The following CRADD variants were observed in gnomAD, a reference collection of about 807,000 sequenced individuals.
CRADD encodes death domain-containing protein CRADD.
A neutral mutation model predicts 15.5 loss-of-function variants in CRADD; 9 were observed. The ratio of observed to expected loss-of-function variants is 0.58; its 90% CI spans 0.35 to 1.01. The LOEUF (loss-of-function observed/expected upper bound fraction) is 1.01, where lower values mean the gene tolerates loss of function less well. CRADD is among the 50% of genes least tolerant of loss of function. The pLI is 0.02. For synonymous variants in CRADD, 118 were observed against 107.6 expected, an observed-to-expected ratio of 1.10 and a Z score of -0.60; for missense variants, 227 against 250.3, an observed-to-expected ratio of 0.91 and a Z score of 0.63.
chr12:93,683,799 A>G (rs1296474250), intron 2 of CRADD, among the ~76,000 whole-genome samples: 2 of 152,242 alleles, frequency 1.3e-5, no homozygotes, highest in Non-Finnish European at 2.9e-5. Context: ...TGATGGGTTT[A>G]TTAGAGAGGT....
Position 93,839,053 on chromosome 12 carries a change from G to A in CRADD, c.299-10917G>A, listed in dbSNP as rs111295737. Among the ~76,000 whole-genome samples the A allele has an allele frequency of 7.3e-3, 1,113 of 152,198 alleles. 29 individuals carry two copies. Among genetic ancestry groups the A allele is most frequent in the Admixed American group, 0.029 (442 of 15,282 alleles). Reference sequence around the variant, plus strand: ...CTCCCAAAGTGTTGGGATTACAGGCGTGATCCATGGGTGCCCGGCCTGGAC... The same window carrying A: ...CTCCCAAAGTGTTGGGATTACAGGCATGATCCATGGGTGCCCGGCCTGGAC... On this transcript the variant is annotated intron_variant, in intron 2 of 2. Transcript: ENST00000332896.
At chr12:93,756,260 C>T (rs1397414389) in intron 2 of CRADD, among the ~76,000 whole-genome samples, 1 of 152,168 alleles carries the variant, frequency 6.6e-6, no homozygotes, top group Non-Finnish European at 1.5e-5. Flanking sequence ...ATGTGTGTTA[C>T]AGTGCAAATA....
chr12:93,821,317 T>C (rs901126763), intron 2 of CRADD, among the ~76,000 whole-genome samples: 2 of 152,220 alleles, frequency 1.3e-5, no homozygotes, highest in Non-Finnish European at 2.9e-5. Context: ...CCTGTAGACA[T>C]TGGCATTTTC....
At chr12:93,689,662 A>G (rs756419852) in intron 2 of CRADD, among the ~76,000 whole-genome samples, 4 of 152,236 alleles carry the variant, frequency 2.6e-5, no homozygotes, top group Non-Finnish European at 4.4e-5. Flanking sequence ...ACCATAGCAG[A>G]CAGGGTGGCA....
At chr12:93,870,824 G>A (rs1261133278) in intron 2 of CRADD, among the ~76,000 whole-genome samples, 1 of 152,232 alleles carries the variant, frequency 6.6e-6, no homozygotes, top group Non-Finnish European at 1.5e-5. Flanking sequence ...CAGGCCATAG[G>A]ATCAACCCCA....
chr12:93,686,303 C>CAA (rs1218232736), intron 2 of CRADD, among the ~76,000 whole-genome samples: 18 of 71,814 alleles, frequency 2.5e-4, no homozygotes, highest in South Asian at 1.5e-3. Flanking sequence ...TCCATCCCCC[C>CAA]CAAAAAAAAA....
intron 2 of CRADD, among the ~76,000 whole-genome samples, chr12:93,681,404 T>C (rs1955296962): frequency 6.6e-6 from 1 of 152,230 alleles, no homozygotes; most frequent in South Asian, 2.1e-4. Context: ...GAAGGTTGGC[T>C]CTGGAACAAA....
At chr12:93,775,537 C>T (rs141770771) in intron 2 of CRADD, among the ~76,000 whole-genome samples, 5 of 151,762 alleles carry the variant, frequency 3.3e-5, no homozygotes, top group East Asian at 2.0e-4. Context: ...TGAAAGAGCA[C>T]GGGTTACTCT....
In CRADD at chr12:93,824,925, C is replaced by CT. The variant is rs1245390533; in HGVS notation, c.299-25040dup. Among the ~76,000 whole-genome samples the CT allele has an allele frequency of 6.6e-6, 1 of 152,194 alleles. No individual in the cohort carries two copies. Among genetic ancestry groups the CT allele is most frequent in the African/African-American group, 2.4e-5 (1 of 41,450 alleles). ...TTTGCCAATTAAATGTTTACATTAT[C>CT]TTTTTGCTCAGATAGTTTTCACAAG... On this transcript the variant is annotated intron_variant, in intron 2 of 2. Coordinates refer to ENST00000332896, the MANE Select transcript of CRADD (RefSeq NM_003805.5). This position sits in a 1 kb window ranked among gnomAD's most constrained non-coding sequence, Gnocchi z 4.3.
intron 2 of CRADD, among the ~76,000 whole-genome samples, chr12:93,709,447 G>T (rs73359697): frequency 1.3e-5 from 2 of 152,008 alleles, no homozygotes; most frequent in African/African-American, 4.8e-5. Context: ...AGTATCTATT[G>T]TTTCCTTCTT....
intron 2 of CRADD, among the ~76,000 whole-genome samples, chr12:93,775,158 T>C (rs1196121318): frequency 1.3e-5 from 2 of 152,260 alleles, no homozygotes; most frequent in East Asian, 3.8e-4. Flanking sequence ...TCGATAATTT[T>C]GTCAAGTTTT....
chr12:93,837,121 C>A (rs894167242), intron 2 of CRADD, among the ~76,000 whole-genome samples: 2 of 151,966 alleles, frequency 1.3e-5, no homozygotes, highest in African/African-American at 4.8e-5. Flanking sequence ...TTCAAGGAAC[C>A]GGATGAATGA....
chr12:93,752,647 C>T (rs1488789277), intron 2 of CRADD, among the ~76,000 whole-genome samples: 1 of 152,098 alleles, frequency 6.6e-6, no homozygotes, highest in Non-Finnish European at 1.5e-5. Flanking sequence ...AGTCCATTTT[C>T]ATAGTGCTAT....
At chr12:93,877,322 C>A (rs1381728500) in intron 2 of CRADD, among the ~76,000 whole-genome samples, 1 of 152,184 alleles carries the variant, frequency 6.6e-6, no homozygotes, top group Admixed American at 6.5e-5. Context: ...CCTATGTAAC[C>A]ACTACGTGGC....
intron 2 of CRADD, among the ~76,000 whole-genome samples, chr12:93,874,569 T>C (rs1311640252): frequency 1.3e-5 from 2 of 152,060 alleles, no homozygotes; most frequent in African/African-American, 2.4e-5. Flanking sequence ...TAAGCACTTA[T>C]AGCTGTAAGT....
intron 2 of CRADD, among the ~76,000 whole-genome samples, chr12:93,819,519 A>G (rs773460930): frequency 6.6e-6 from 1 of 152,262 alleles, no homozygotes; most frequent in Non-Finnish European, 1.5e-5. Context: ...GCCTGTTCAC[A>G]CAAGGCAAGT....
intron 2 of CRADD, among the ~76,000 whole-genome samples, chr12:93,807,494 C>G (rs1345820647): frequency 5.3e-5 from 8 of 152,130 alleles, no homozygotes; most frequent in Non-Finnish European, 8.8e-5. Flanking sequence ...AGCCCTCCAG[C>G]TGATGACCAG....
At chr12:93,794,377 C>A (rs1309328179) in intron 2 of CRADD, among the ~76,000 whole-genome samples, 1 of 151,146 alleles carries the variant, frequency 6.6e-6, no homozygotes, top group African/African-American at 2.4e-5. Flanking sequence ...CCCAGCCTTA[C>A]TTTCTTCCTT....
chr12:93,684,552 G>A lies in CRADD; in HGVS notation c.298+5480G>A, dbSNP rs1276570257. ...TGGGGACCCCTGTGCAAGACAGTAG[G>A]TGCTGGAGATATAACAGTAAACAAA... On this transcript the variant is annotated intron_variant, in intron 2 of 2. Coordinates refer to ENST00000332896, the MANE Select transcript of CRADD (RefSeq NM_003805.5). Among the ~76,000 whole-genome samples, 3 of 152,182 alleles carry A rather than the reference G, an allele frequency of 2.0e-5. No homozygotes were observed. In the East Asian group the frequency reaches 5.8e-4, roughly 29 times the overall value.
Sources: allele counts gnomAD v4.1 joint callset (sites outside exome capture counted in the v4.1 genomes callset), GRCh38; gene constraint gnomAD v4.1.1; non-coding constraint Gnocchi (gnomAD v3.1); transcripts MANE v1.5; gene names NCBI Gene and HGNC (gene_info 2026-07-23, HGNC 2026-07-21).